DHRSX: variants seen among roughly 807,000 people sequenced by gnomAD.
DHRSX encodes the protein dehydrogenase/reductase X-linked.
Under a neutral mutation model 34.0 loss-of-function variants are expected in DHRSX, and 31 were observed. The observed-to-expected ratio is 0.91, with a 90% CI of 0.69 to 1.23. DHRSX has a LOEUF of 1.23. Among genes scored for constraint, DHRSX ranks in the 50% most tolerant of loss-of-function variants. DHRSX has a pLI of 0.00. For missense variants in DHRSX, 414 were observed against 428.1 expected (o/e 0.97, Z 0.29); for synonymous variants, 201 against 183.8 (o/e 1.09, Z -0.76).
At chrX:2,398,114 C>T (rs1210998505) in intron 3 of DHRSX, among the ~76,000 whole-genome samples, 1 of 152,106 alleles carries the variant, frequency 6.6e-6, no homozygotes, top group African/African-American at 2.4e-5. Context: ...CGCTTGCAGA[C>T]CCTTGTAGGT....
chrX:2,424,889 T>C (rs1045396538), intron 2 of DHRSX, among the ~76,000 whole-genome samples: 4 of 152,062 alleles, frequency 2.6e-5, no homozygotes, highest in Admixed American at 2.0e-4. Context: ...CCTGTAATCC[T>C]AGCACTTTGG....
At chrX:2,424,880 C>A (rs1461984219) in intron 2 of DHRSX, among the ~76,000 whole-genome samples, 1 of 152,104 alleles carries the variant, frequency 6.6e-6, no homozygotes, top group Admixed American at 6.6e-5. Flanking sequence ...TGGCTCACAC[C>A]TGTAATCCTA....
At chrX:2,309,551 A>G (rs1232102289) in intron 3 of DHRSX, among the ~76,000 whole-genome samples, 3 of 152,192 alleles carry the variant, frequency 2.0e-5, no homozygotes, top group Non-Finnish European at 4.4e-5. Flanking sequence ...AAATGTGATA[A>G]GTGTGTCCAT....
At chrX:2,263,512 C>CTTT (rs775187535) in intron 5 of DHRSX, among the ~76,000 whole-genome samples, 2 of 130,460 alleles carry the variant, frequency 1.5e-5, no homozygotes, top group African/African-American at 2.9e-5. Context: ...ATTTTTCTTT[C>CTTT]TTTTTTTTTT....
chrX:2,307,212 C>A (rs1016564566), intron 3 of DHRSX, among the ~76,000 whole-genome samples: 3 of 151,976 alleles, frequency 2.0e-5, no homozygotes, highest in Non-Finnish European at 4.4e-5. Flanking sequence ...AACACAGAAA[C>A]GGAAAATTAA....
chrX:2,292,563 T>A (rs1243502426), intron 3 of DHRSX, among the ~76,000 whole-genome samples: 1 of 151,800 alleles, frequency 6.6e-6, no homozygotes, highest in East Asian at 1.9e-4. Flanking sequence ...TTCCTTCTTC[T>A]GCAGTAGAGG....
chrX:2,247,958 G>A (rs182763396), intron 5 of DHRSX, among the ~76,000 whole-genome samples: 1 of 151,210 alleles, frequency 6.6e-6, no homozygotes, highest in Non-Finnish European at 1.5e-5. Context: ...CCTATAAATA[G>A]GACTCTAAGT....
chrX:2,427,446 G>A (rs1355216052), intron 1 of DHRSX, among the ~76,000 whole-genome samples: 1 of 152,190 alleles, frequency 6.6e-6, no homozygotes, highest in East Asian at 1.9e-4. Flanking sequence ...GGCTATCAAG[G>A]GTCTCCTGAA....
intron 6 of DHRSX, among the ~76,000 whole-genome samples, chrX:2,224,910 C>T (rs1332578424): frequency 4.1e-5 from 6 of 146,598 alleles, no homozygotes; most frequent in African/African-American, 1.3e-4. Context: ...CACACACACA[C>T]GTACACACAC....
intron 2 of DHRSX, among the ~76,000 whole-genome samples, chrX:2,413,848 C>G (rs2043661287): frequency 6.6e-6 from 1 of 152,072 alleles, no homozygotes. Flanking sequence ...TGATTATACC[C>G]TAACCCAACT....
At chrX:2,467,962 C>CAA (rs746652058) in intron 1 of DHRSX, among the ~76,000 whole-genome samples, 5 of 84,234 alleles carry the variant, frequency 5.9e-5, no homozygotes, top group African/African-American at 2.0e-4. Context: ...AACTCCGTCT[C>CAA]AAAAAAAAAA....
At chrX:2,269,631 G>A (rs1389893327) in intron 4 of DHRSX, among the ~76,000 whole-genome samples, 1 of 152,146 alleles carries the variant, frequency 6.6e-6, no homozygotes, top group South Asian at 2.1e-4. Context: ...CCGCCTCCCA[G>A]GTTCAAGCAA....
chrX:2,382,956 A>G (rs1348551165), intron 3 of DHRSX, among the ~76,000 whole-genome samples: 1 of 132,864 alleles, frequency 7.5e-6, no homozygotes, highest in African/African-American at 2.8e-5. Context: ...TATCATTTCT[A>G]TCATCACCAT....
intron 3 of DHRSX, among the ~76,000 whole-genome samples, chrX:2,345,385 A>G (rs186800985): frequency 1.2e-4 from 18 of 147,068 alleles, no homozygotes; most frequent in Middle Eastern, 3.5e-3. Context: ...GCTCACACCT[A>G]TAATCCCAGC....
chrX:2,394,145 C>T (rs762647662), intron 3 of DHRSX, among the ~76,000 whole-genome samples: 5 of 152,278 alleles, frequency 3.3e-5, no homozygotes, highest in Admixed American at 2.0e-4. Context: ...ACTGTCCTGG[C>T]GGCTGCAGGT....
chrX:2,293,022 G>A (rs2041885183), intron 3 of DHRSX, among the ~76,000 whole-genome samples: 2 of 152,116 alleles, frequency 1.3e-5, no homozygotes, highest in African/African-American at 2.4e-5. Flanking sequence ...AAGCTCAAGT[G>A]AGCCTCCCAC....
At chrX:2,316,629 A>T (rs917035622) in intron 3 of DHRSX, among the ~76,000 whole-genome samples, 2 of 152,134 alleles carry the variant, frequency 1.3e-5, no homozygotes, top group African/African-American at 4.8e-5. Context: ...GAAGAAGAAG[A>T]ATTACTCATT....
chrX:2,384,735 G>T (rs2043249172), intron 3 of DHRSX, among the ~76,000 whole-genome samples: 2 of 138,958 alleles, frequency 1.4e-5, no homozygotes, highest in African/African-American at 5.2e-5. Flanking sequence ...ACACAGGAAG[G>T]GGAACATCAC....
intron 1 of DHRSX, chrX:2,488,956 G>A: frequency 6.3e-7 from 1 of 1,597,324 alleles, no homozygotes; most frequent in Non-Finnish European, 8.5e-7. Context: ...ACCACCACTT[G>A]AGGGGGTCTT....
Sources: allele counts gnomAD v4.1 joint callset (sites outside exome capture counted in the v4.1 genomes callset), GRCh38; gene constraint gnomAD v4.1.1; transcripts MANE v1.5; gene names NCBI Gene and HGNC (gene_info 2026-07-23, HGNC 2026-07-21).